MARF1: variants seen among roughly 807,000 people sequenced by gnomAD.
The protein encoded by MARF1 is limkain-b1.
Under a neutral mutation model 168.2 loss-of-function variants are expected in MARF1, and 24 were observed. That is an observed-to-expected ratio of 0.14 (90% CI 0.10 to 0.20). The LOEUF is 0.20. Ranked by LOEUF, MARF1 falls within the 10% of genes least tolerant of loss-of-function variation. MARF1 has a pLI of 1.00. For missense variants in MARF1, 1,744 were observed against 2,143.6 expected, an observed-to-expected ratio of 0.81 and a Z score of 3.68; for synonymous variants, 868 against 822.4, an observed-to-expected ratio of 1.06 and a Z score of -0.95.
chr16:15,639,160 T>A lies in MARF1; in HGVS notation c.74A>T (p.Lys25Met). 6.2e-7 allele frequency: 1 copy of A among 1,614,210 alleles called. No homozygotes were observed. The highest frequency in any genetic ancestry group is 8.5e-7 in the Non-Finnish European group (1 of 1,180,024). Reference protein sequence around the residue: ...RGWLQQDNDAKPWLWKFSNCF... With the variant: ...RGWLQQDNDAMPWLWKFSNCF... The stretch of plus-strand genomic sequence containing the variant: ...ATTAGAGAATTTCCAAAGCCATGGC[T>A]TAGCATCATTATCTTGTTGAAGCCA... Residue 25 changes from lysine to methionine, a missense_variant, in exon 2 of 27, where the codon AAG becomes ATG. Transcript: ENST00000396368.
chr16:15,602,759 T>C, intron 22 of MARF1: 1 of 404,734 alleles, frequency 2.5e-6, no homozygotes, highest in South Asian at 1.8e-5. Flanking sequence ...AGACAGTGTG[T>C]GAGTAGGGAA....
At position 15,621,768 on chromosome 16, in the gene MARF1, G is replaced by A; in HGVS notation, c.2604C>T (p.Ala868=). 6.2e-7 allele frequency: 1 copy of A among 1,614,142 alleles called. No individual in the cohort carries two copies. Among genetic ancestry groups the A allele is most frequent in the Non-Finnish European group, 8.5e-7 (1 of 1,180,018 alleles). ...IGSKKILVSL[A]TGAASKSLSL... The stretch of plus-strand genomic sequence containing the variant: ...AGAGTGATTTGCTGGCAGCCCCGGT[G>A]GCAAGTGAGACCAGGATCTTTTTGC... Residue 868 remains alanine, a synonymous_variant, in exon 12 of 27, where the codon GCC becomes GCT. Transcript: ENST00000396368.
intron 7 of MARF1, among the ~76,000 whole-genome samples, chr16:15,626,990 G>A (rs1411773182): frequency 1.4e-5 from 2 of 147,206 alleles, no homozygotes; most frequent in African/African-American, 2.5e-5. Context: ...AAGAAAGAAA[G>A]AAGGAAGTAG....
Position 15,639,301 on chromosome 16 carries a change from ATGAG to A in MARF1, c.-58-14_-58-11del, listed in dbSNP as rs1267959517. The A allele has an allele frequency of 8.6e-6, 13 of 1,519,886 alleles. No homozygotes were observed. Among genetic ancestry groups the A allele is most frequent in the Non-Finnish European group, 9.8e-6 (11 of 1,124,798 alleles). The allele number at this position is 1,519,886 out of a possible 1,614,324, so 94.1% of individuals were successfully genotyped here. A position where few individuals can be genotyped will look rare whatever the true frequency, so the allele number is the denominator to read the frequency against. ...CTTTCATTCTTCCACCCTGTTAAGA[ATGAG>A]TAAGATTTCAGTGTTATTTCCTTGC... On this transcript the variant is annotated splice_polypyrimidine_tract_variant and intron_variant, in intron 1 of 26. Coordinates refer to ENST00000396368, the MANE Select transcript of MARF1 (RefSeq NM_014647.4).
chr16:15,614,415 G>A (rs554660025), intron 16 of MARF1, among the ~76,000 whole-genome samples: 145 of 147,952 alleles, frequency 9.8e-4, no homozygotes, highest in African/African-American at 1.9e-3. Flanking sequence ...CCGAGGAGGC[G>A]GAGCTTGCAG....
At position 15,637,053 on chromosome 16, in the gene MARF1, T is replaced by C. The variant is rs181420255; in HGVS notation, c.145-711A>G. Among the ~76,000 whole-genome samples the C allele has an allele frequency of 2.6e-3, 403 of 152,336 alleles. 3 individuals are homozygous for C. The highest frequency in any genetic ancestry group is 3.0e-3 in the Non-Finnish European group (202 of 68,028). On this transcript the variant is annotated intron_variant, in intron 2 of 26. Transcript: ENST00000396368. Reference sequence around the variant, plus strand: ...ACAGGAAGCCAGTATATTACAAAGGTTCTGAGCAGAGCATCAGTGGCAGAG... The same window carrying C: ...ACAGGAAGCCAGTATATTACAAAGGCTCTGAGCAGAGCATCAGTGGCAGAG...
intron 17 of MARF1, 149 bp from the exon 18 acceptor site, chr16:15,611,883 T>C (rs1248353007): frequency 9.5e-6 from 6 of 632,378 alleles, no homozygotes; most frequent in Non-Finnish European, 1.6e-5. Context: ...ATCAACAAAA[T>C]GTAGTTGGTC....
At chr16:15,609,261 A>G (rs2033303552) in intron 20 of MARF1, among the ~76,000 whole-genome samples, 1 of 151,926 alleles carries the variant, frequency 6.6e-6, no homozygotes, top group South Asian at 2.1e-4. Context: ...ACAAACAAAC[A>G]AAAAAAAGAA....
At position 15,633,819 on chromosome 16, in the gene MARF1, C is replaced by T; in HGVS notation, c.1031G>A (p.Gly344Glu). The T allele has an allele frequency of 1.2e-6, 2 of 1,612,592 alleles. No homozygotes were observed. The highest frequency in any genetic ancestry group is 2.7e-5 in the African/African-American group (2 of 74,940). Residue 344 changes from glycine to glutamate, a missense_variant, in exon 5 of 27, where the codon GGA becomes GAA. Coordinates refer to ENST00000396368, the MANE Select transcript of MARF1 (RefSeq NM_014647.4). ...GGGGGGTAAGTTTTCTAGCACCTGT[C>T]CAGCTACTGCAACTTCTGGTGACCC... The part of the protein sequence containing the change: ...KFGSPEVAVA[G>E]QVLENLPPIG...
intron 1 of MARF1, among the ~76,000 whole-genome samples, chr16:15,641,871 A>G (rs766802699): frequency 3.3e-5 from 5 of 152,198 alleles, no homozygotes; most frequent in Non-Finnish European, 7.3e-5. Context: ...AATACCATCC[A>G]CGAAGCAACT....
rs368300797 is a variant in MARF1, at chr16:15,616,014, G to C, written c.3078-9C>G. 2.0e-6 allele frequency: 3 copies of C among 1,469,312 alleles called. No individual in the cohort carries two copies. Among genetic ancestry groups the C allele is most frequent in the Non-Finnish European group, 2.7e-6 (3 of 1,103,096 alleles). The allele number at this position is 1,469,312 out of a possible 1,614,324, so 91.0% of individuals were successfully genotyped here. On this transcript the variant is annotated splice_polypyrimidine_tract_variant and intron_variant, in intron 15 of 26. Transcript: ENST00000396368. ...TGTAACAATCTGGAAAGCTGAAATA[G>C]GAAAAAACAACAAAAAAAGGAAAGG...
In MARF1 at chr16:15,612,373, G is replaced by C. The variant is rs1327301046; in HGVS notation, c.3474+184C>G. Among the ~76,000 whole-genome samples the C allele has an allele frequency of 2.0e-5, 3 of 152,202 alleles. 1 individual carries two copies. Among genetic ancestry groups the C allele is most frequent in the Admixed American group, 1.3e-4 (2 of 15,282 alleles). On this transcript the variant is annotated intron_variant, in intron 17 of 26. Coordinates refer to ENST00000396368, the MANE Select transcript of MARF1 (RefSeq NM_014647.4). ...GGAGTTCCTCTAAAACTGGAAACTA[G>C]CAGCGTTCTGAAAAATTGAGAAGCC...
At chr16:15,611,788 C>CG in intron 17 of MARF1, 54 bp from the exon 18 acceptor site, 3 of 1,494,502 alleles carry the variant, frequency 2.0e-6, no homozygotes, top group African/African-American at 1.4e-5. Context: ...ACAGCGACTT[C>CG]CTTGCTGCTG....
chr16:15,596,979 G>T, intron 26 of MARF1, 42 bp from the exon 27 acceptor site: 2 of 1,546,030 alleles, frequency 1.3e-6, no homozygotes, highest in Non-Finnish European at 1.7e-6. Context: ...TCCAGGAACT[G>T]TAAGAAGTGT....
At chr16:15,626,098 C>G (rs1230064496) in intron 7 of MARF1, among the ~76,000 whole-genome samples, 1 of 152,096 alleles carries the variant, frequency 6.6e-6, no homozygotes, top group Non-Finnish European at 1.5e-5. Context: ...GCACTCCACT[C>G]TGAGTGACAG....
chr16:15,617,204 A>T (rs762773228), intron 14 of MARF1, 33 bp from the exon 15 acceptor site: 2 of 1,612,940 alleles, frequency 1.2e-6, no homozygotes, highest in Admixed American at 1.7e-5. Context: ...GGAAGCTGAC[A>T]TTCCGCAGGG....
chr16:15,642,928 GGAAAGAGGGGACACT>G (rs1356793873), intron 1 of MARF1, 75 bp downstream of exon 1: 1 of 181,376 alleles, frequency 5.5e-6, no homozygotes, highest in African/African-American at 2.4e-5. Flanking sequence ...CAATAGGCGG[GGAAAGAGGGGACACT>G]GTCCTCCGTC....
rs1403486645 is a variant in MARF1, at chr16:15,625,618, T to A, written c.1707A>T (p.Glu569Asp). 1 of 1,614,266 alleles carries A rather than the reference T, an allele frequency of 6.2e-7. No individual in the cohort carries two copies. Among genetic ancestry groups the A allele is most frequent in the South Asian group, 1.1e-5 (1 of 91,086 alleles). The change falls in exon 8 of 27, where the codon GAA becomes GAT. Residue 569 changes from glutamate to aspartate, a missense_variant. By Grantham distance (45) the Glu-to-Asp change is conservative. This residue lies in a region of MARF1 where 217 missense variants were observed against 372.4 expected (regional missense o/e 0.58). Coordinates refer to ENST00000396368, the MANE Select transcript of MARF1 (RefSeq NM_014647.4). Reference protein sequence around the residue: ...DSAERAQKRMENEDVFGNRII... With the variant: ...DSAERAQKRMDNEDVFGNRII... The stretch of plus-strand genomic sequence containing the variant: ...TCCTATTACCAAAGACATCTTCGTT[T>A]TCCATTCGCTTCTGAGCGCGCTCTG...
Position 15,636,115 on chromosome 16 carries a change from T to TCCGCTA in MARF1, c.366_371dup (p.Ser123_Gly124dup). 2.5e-6 allele frequency: 4 copies of TCCGCTA among 1,614,166 alleles called. No individual in the cohort carries two copies. Among genetic ancestry groups the TCCGCTA allele is most frequent in the Non-Finnish European group, 2.5e-6 (3 of 1,180,016 alleles). ...CCGGGTGAATCAAGCTACTGGTACC[T>TCCGCTA]CCGCTACCGCCACCACCACCACCAA... On this transcript the variant is annotated inframe_insertion, in exon 3 of 27. Coordinates refer to ENST00000396368, the MANE Select transcript of MARF1 (RefSeq NM_014647.4).
Sources: gnomAD v4.1 joint callset for allele counts (sites outside exome capture counted in the v4.1 genomes callset) on GRCh38, gnomAD v4.1.1 for gene constraint, gnomAD v4.1.1 regional missense constraint, MANE v1.5 for transcripts, NCBI Gene and HGNC (gene_info 2026-07-23, HGNC 2026-07-21) for gene names.